PLXNA2: variants seen among roughly 807,000 people sequenced by gnomAD.
The protein encoded by PLXNA2 is plexin-A2.
In PLXNA2, 91 loss-of-function variants were observed where a neutral mutation model predicts 193.5. The ratio of observed to expected loss-of-function variants is 0.47; its 90% CI spans 0.40 to 0.56. The LOEUF (loss-of-function observed/expected upper bound fraction) is 0.56, where lower values mean the gene tolerates loss of function less well. Ranked by LOEUF, PLXNA2 falls within the 20% of genes least tolerant of loss-of-function variation. PLXNA2 has a pLI of 0.00. For synonymous variants in PLXNA2, 997 were observed against 1,027.3 expected, an observed-to-expected ratio of 0.97 and a Z score of 0.56; for missense variants, 1,995 against 2,503.2, an observed-to-expected ratio of 0.80 and a Z score of 4.33.
intron 3 of PLXNA2, among the ~76,000 whole-genome samples, chr1:208,156,034 T>C (rs1002416967): frequency 6.6e-6 from 1 of 152,146 alleles, no homozygotes; most frequent in African/African-American, 2.4e-5. Context: ...TGAGGGAGGA[T>C]GGCCTAAATA....
At position 208,082,650 on chromosome 1, in the gene PLXNA2, C is replaced by T. The variant is rs1666385237; in HGVS notation, c.2299-142G>A. ...AGTCACTAATGCCAAGAGAATCCCACCCAAGCCTCCTAGCTTGGCATTCAG... is the reference window on the plus strand; with the variant it reads ...AGTCACTAATGCCAAGAGAATCCCATCCAAGCCTCCTAGCTTGGCATTCAG... On this transcript the variant is annotated intron_variant, in intron 10 of 31. Transcript: ENST00000367033. The surrounding 1 kb of genome is among the most constrained non-coding windows in gnomAD (Gnocchi z 4.2). 3 of 682,292 alleles carry T rather than the reference C, an allele frequency of 4.4e-6. No individual in the cohort carries two copies. The African/African-American group carries it at 5.3e-5, about 12-fold the overall frequency. 42.3% of individuals were successfully genotyped at this position (682,292 alleles called of 1,614,324 possible).
chr1:208,192,433 T>C (rs1670211482), intron 3 of PLXNA2, among the ~76,000 whole-genome samples: 1 of 151,754 alleles, frequency 6.6e-6, no homozygotes, highest in Non-Finnish European at 1.5e-5. Context: ...TGTCATCATC[T>C]GCCATTTGAA....
chr1:208,229,837 G>C (rs1025411634), intron 1 of PLXNA2, among the ~76,000 whole-genome samples: 1 of 152,198 alleles, frequency 6.6e-6, no homozygotes, highest in South Asian at 2.1e-4. Context: ...TGAACAGAGT[G>C]GGGTGAGGGA....
chr1:208,124,441 A>G (rs1316797904), intron 4 of PLXNA2, among the ~76,000 whole-genome samples: 1 of 151,488 alleles, frequency 6.6e-6, no homozygotes, highest in Non-Finnish European at 1.5e-5. Flanking sequence ...CACTTTGGGA[A>G]GCCGAAGCGG....
chr1:208,067,703 T>C (rs1158797311), intron 12 of PLXNA2, among the ~76,000 whole-genome samples: 1 of 152,224 alleles, frequency 6.6e-6, no homozygotes, highest in African/African-American at 2.4e-5. Context: ...AGCCTAGGTG[T>C]GTAGTAGGGT....
chr1:208,210,241 G>T, intron 3 of PLXNA2, 39 bp downstream of exon 3: 25 of 1,602,918 alleles, frequency 1.6e-5, no homozygotes, highest in Non-Finnish European at 2.1e-5. Context: ...TGCTGAGGAG[G>T]TGAATGGCAT....
At chr1:208,093,845 G>C (rs1003916425) in intron 8 of PLXNA2, among the ~76,000 whole-genome samples, 1 of 152,176 alleles carries the variant, frequency 6.6e-6, no homozygotes, top group African/African-American at 2.4e-5. Context: ...GGTTTTGTAG[G>C]GGGGATTAGT....
chr1:208,118,997 T>C (rs1298321000), intron 4 of PLXNA2, among the ~76,000 whole-genome samples: 7 of 152,202 alleles, frequency 4.6e-5, no homozygotes, highest in Non-Finnish European at 7.3e-5. Context: ...ATGGCTTGAT[T>C]CCCTGGAACT....
chr1:208,092,763 A>G (rs894141651), intron 9 of PLXNA2, 23 bp downstream of exon 9: 6 of 1,541,020 alleles, frequency 3.9e-6, no homozygotes, highest in Admixed American at 3.4e-5. Flanking sequence ...GAACACTGCC[A>G]TGTTAGGGTA....
chr1:208,109,894 A>G (rs1667407996), intron 4 of PLXNA2, among the ~76,000 whole-genome samples: 2 of 152,240 alleles, frequency 1.3e-5, no homozygotes, highest in African/African-American at 4.8e-5. Flanking sequence ...TACAGCTCCT[A>G]GTACCCAGTA....
chr1:208,067,739 A>T (rs1327000253), intron 12 of PLXNA2, among the ~76,000 whole-genome samples: 1 of 152,234 alleles, frequency 6.6e-6, no homozygotes, highest in African/African-American at 2.4e-5. Context: ...GTGTAAATAC[A>T]TGCCATGATG....
In PLXNA2 at chr1:208,081,951, T is replaced by G. The variant is rs534879031; in HGVS notation, c.2395+461A>C. On this transcript the variant is annotated intron_variant, in intron 11 of 31. Transcript: ENST00000367033. The stretch of plus-strand genomic sequence containing the variant: ...CCCTTCCTGAATTCTTTGCTCCCGA[T>G]GTGAGCTGGACTCTGCATGCTGCTC... 2.6e-5 allele frequency among the ~76,000 whole-genome samples: 4 copies of G among 152,272 alleles called. No individual in the cohort carries two copies. The East Asian group carries it at 5.8e-4, about 22-fold the overall frequency.
rs2102293900 is a variant in PLXNA2, at chr1:208,027,308, C to T, written c.5620G>A (p.Ala1874Thr). The change falls in exon 32 of 32, where the codon GCA (alanine) becomes ACA (threonine). Residue 1874 changes from alanine (A) to threonine (T), a missense_variant. Physicochemically the swap from Ala to Thr is moderately conservative, Grantham distance 58. This residue lies in a region of PLXNA2 where 1,291 missense variants were observed against 1,673.6 expected (regional missense o/e 0.77). Transcript: ENST00000367033. The part of the protein sequence containing the change: ...LIGALEQDEQ[A>T]RRQRLAYKVE... ...TTATAAGCCAGCCGCTGCCGCCGTG[C>T]CTGCTCATCCTGCTCTAGGGCCCCG... 1 of 1,613,304 alleles carries T rather than the reference C, an allele frequency of 6.2e-7. No individual in the cohort carries two copies. The highest frequency in any genetic ancestry group is 8.5e-7 in the Non-Finnish European group (1 of 1,179,974).
At chr1:208,173,103 C>A (rs1385907534) in intron 3 of PLXNA2, among the ~76,000 whole-genome samples, 2 of 152,206 alleles carry the variant, frequency 1.3e-5, no homozygotes, top group Non-Finnish European at 2.9e-5. Flanking sequence ...AAGAGCAGGG[C>A]TCTCAGCCTC....
chr1:208,171,426 CTGAG>C (rs1372706978), intron 3 of PLXNA2, among the ~76,000 whole-genome samples: 2 of 152,322 alleles, frequency 1.3e-5, no homozygotes, highest in African/African-American at 2.4e-5. Flanking sequence ...AAAATAAATT[CTGAG>C]TTAGTCCCCC....
At chr1:208,174,368 G>A (rs1037529675) in intron 3 of PLXNA2, among the ~76,000 whole-genome samples, 3 of 147,636 alleles carry the variant, frequency 2.0e-5, no homozygotes, top group African/African-American at 7.5e-5. Flanking sequence ...CTGGGGGAGG[G>A]AAGGAGGAAC....
chr1:208,225,970 G>A (rs1161611675), intron 1 of PLXNA2, among the ~76,000 whole-genome samples: 1 of 152,204 alleles, frequency 6.6e-6, no homozygotes, highest in Non-Finnish European at 1.5e-5. Flanking sequence ...ACAACAGGGA[G>A]GAGAAAGGCA....
At chr1:208,167,196 A>G (rs999076230) in intron 3 of PLXNA2, among the ~76,000 whole-genome samples, 9 of 152,196 alleles carry the variant, frequency 5.9e-5, no homozygotes, top group African/African-American at 2.2e-4. Flanking sequence ...GACTCCCCTG[A>G]CTATGGCGAT....
chr1:208,158,826 C>T (rs759296419), intron 3 of PLXNA2, among the ~76,000 whole-genome samples: 1 of 152,212 alleles, frequency 6.6e-6, no homozygotes, highest in Non-Finnish European at 1.5e-5. Flanking sequence ...TACAGGTGGT[C>T]TGAGCTGCCT....
Sources: allele counts gnomAD v4.1 joint callset (sites outside exome capture counted in the v4.1 genomes callset), GRCh38; gene constraint gnomAD v4.1.1; regional missense constraint gnomAD v4.1.1; non-coding constraint Gnocchi (gnomAD v3.1); transcripts MANE v1.5; gene names NCBI Gene and HGNC (gene_info 2026-07-23, HGNC 2026-07-21).